SPAG16: variants seen among roughly 807,000 people sequenced by gnomAD.
The protein encoded by SPAG16 is sperm associated antigen 16.
A neutral mutation model predicts 80.4 loss-of-function variants in SPAG16; 86 were observed. That is an observed-to-expected ratio of 1.07 (90% CI 0.90 to 1.28). The LOEUF (loss-of-function observed/expected upper bound fraction) is 1.28, where lower values mean the gene tolerates loss of function less well. Ranked by LOEUF, SPAG16 falls within the 50% of genes most tolerant of loss-of-function variation. SPAG16 has a pLI of 0.00. For synonymous variants in SPAG16, 294 were observed against 265.9 expected (o/e 1.11, Z -1.03); for missense variants, 870 against 765.3 (o/e 1.14, Z -1.61).
chr2:214,231,622 C>T (rs536218268), intron 15 of SPAG16, among the ~76,000 whole-genome samples: 1 of 152,068 alleles, frequency 6.6e-6, no homozygotes, highest in Admixed American at 6.6e-5. Flanking sequence ...AGCCAAGTGG[C>T]ATTACTCCAG....
intron 10 of SPAG16, among the ~76,000 whole-genome samples, chr2:213,823,640 G>A (rs2073091415): frequency 1.3e-5 from 2 of 152,148 alleles, no homozygotes; most frequent in African/African-American, 4.8e-5. Context: ...GATTACAGGT[G>A]TGAGTCACCA....
intron 15 of SPAG16, among the ~76,000 whole-genome samples, chr2:214,276,283 A>G (rs1399225391): frequency 6.6e-6 from 1 of 152,166 alleles, no homozygotes; most frequent in Non-Finnish European, 1.5e-5. Flanking sequence ...TGGGGCATTT[A>G]GCCCATTTAC....
At chr2:213,734,979 T>G (rs1255644954) in intron 10 of SPAG16, among the ~76,000 whole-genome samples, 1 of 151,540 alleles carries the variant, frequency 6.6e-6, no homozygotes, top group Non-Finnish European at 1.5e-5. Flanking sequence ...TTTTTTTTCC[T>G]AATTACTCCC....
At chr2:213,386,931 G>A (rs2067459491) in intron 9 of SPAG16, among the ~76,000 whole-genome samples, 1 of 152,084 alleles carries the variant, frequency 6.6e-6, no homozygotes, top group African/African-American at 2.4e-5. Context: ...TAATTGGATG[G>A]TTTTTGCAAT....
chr2:213,386,549 G>A (rs41484647), intron 9 of SPAG16, among the ~76,000 whole-genome samples: 13,816 of 152,100 alleles, frequency 0.091, 1,786 homozygotes, highest in African/African-American at 0.29. Context: ...CTATAAGCTC[G>A]TCTAATCTTC....
At chr2:213,775,345 T>G (rs1221509091) in intron 10 of SPAG16, among the ~76,000 whole-genome samples, 1 of 152,226 alleles carries the variant, frequency 6.6e-6, no homozygotes, top group Non-Finnish European at 1.5e-5. Flanking sequence ...ATGTTTAATG[T>G]ATACAACTAA....
chr2:213,447,576 C>T (rs1013295222), intron 9 of SPAG16, among the ~76,000 whole-genome samples: 3 of 152,202 alleles, frequency 2.0e-5, no homozygotes, highest in Non-Finnish European at 4.4e-5. Flanking sequence ...ATCCCTAGGC[C>T]CCTCGGATTG....
chr2:213,901,642 G>A (rs1265418482), intron 11 of SPAG16, among the ~76,000 whole-genome samples: 1 of 152,068 alleles, frequency 6.6e-6, no homozygotes, highest in Non-Finnish European at 1.5e-5. Context: ...AGGAATGTAT[G>A]TATTTTTATA....
intron 7 of SPAG16, among the ~76,000 whole-genome samples, chr2:213,356,232 GC>G (rs1262944505): frequency 1.3e-5 from 2 of 152,142 alleles, no homozygotes; most frequent in Non-Finnish European, 2.9e-5. Context: ...TCTCTGCCAG[GC>G]TTTGGTATCA....
chr2:213,784,954 T>G lies in SPAG16; in HGVS notation c.1071-77531T>G, dbSNP rs562144527. ...TGGACTTGTGGAATGTGAAGATTAG[T>G]TCCTATTCATCCTAGTTCTATAAGG... On this transcript the variant is annotated intron_variant, in intron 10 of 15. Coordinates refer to ENST00000331683, the MANE Select transcript of SPAG16 (RefSeq NM_024532.5). Among the ~76,000 whole-genome samples, 146 of 152,294 alleles carry G rather than the reference T, an allele frequency of 9.6e-4. 3 individuals carry two copies. Among genetic ancestry groups the G allele is most frequent in the South Asian group, 1.0e-3 (5 of 4,834 alleles).
At position 214,082,362 on chromosome 2, in the gene SPAG16, T is replaced by A. The variant is rs115582826; in HGVS notation, c.1528-25834T>A. 6.0e-3 allele frequency among the ~76,000 whole-genome samples: 919 copies of A among 152,312 alleles called. 7 individuals carry two copies. The highest frequency in any genetic ancestry group is 0.021 in the African/African-American group (893 of 41,572). On this transcript the variant is annotated intron_variant, in intron 13 of 15. Transcript: ENST00000331683. ...GTGTCTGAAACCCAAAGACACAAGA[T>A]CTTTTACCTTCTCCTCCACTTCTTA...
chr2:213,461,554 TAAGA>T (rs1220806950), intron 9 of SPAG16, among the ~76,000 whole-genome samples: 2 of 152,126 alleles, frequency 1.3e-5, no homozygotes, highest in Non-Finnish European at 2.9e-5. Context: ...AAACTTATAA[TAAGA>T]AAGAAGTAAG....
At chr2:214,309,186 T>C (rs1695120956) in intron 15 of SPAG16, among the ~76,000 whole-genome samples, 1 of 152,226 alleles carries the variant, frequency 6.6e-6, no homozygotes, top group Non-Finnish European at 1.5e-5. Flanking sequence ...ATTCTGCTAT[T>C]AATACTTTTG....
intron 10 of SPAG16, among the ~76,000 whole-genome samples, chr2:213,748,236 T>C (rs1232694658): frequency 6.6e-6 from 1 of 152,174 alleles, no homozygotes; most frequent in Non-Finnish European, 1.5e-5. Context: ...TATGAAATAC[T>C]TTTAAAAGGA....
chr2:214,410,212 A>G lies in SPAG16; in HGVS notation c.1793A>G (p.Lys598Arg). Reference sequence around the variant, plus strand: ...GATCTTAAATCTGGGGAGATTCACAAATTGATGGGCCACGAAAACGAGGCA... The same window carrying G: ...GATCTTAAATCTGGGGAGATTCACAGATTGATGGGCCACGAAAACGAGGCA... ...LLDLKSGEIH[K>R]LMGHENEAHT... Residue 598 changes from lysine (K) to arginine (R), a missense_variant, in exon 16 of 16, where the codon AAA becomes AGA. By Grantham distance (26) the Lys-to-Arg change is conservative. Coordinates refer to ENST00000331683, the MANE Select transcript of SPAG16 (RefSeq NM_024532.5). 6.2e-7 allele frequency: 1 copy of G among 1,613,664 alleles called. No homozygotes were observed. Among genetic ancestry groups the G allele is most frequent in the Non-Finnish European group, 8.5e-7 (1 of 1,179,640 alleles).
chr2:214,250,850 G>A (rs994194477), intron 15 of SPAG16, among the ~76,000 whole-genome samples: 30 of 143,416 alleles, frequency 2.1e-4, no homozygotes, highest in African/African-American at 6.3e-4. Context: ...TTTGTTATTC[G>A]TTTCTCTAAA....
At chr2:213,713,559 G>C (rs1024692080) in intron 10 of SPAG16, among the ~76,000 whole-genome samples, 1 of 152,164 alleles carries the variant, frequency 6.6e-6, no homozygotes, top group African/African-American at 2.4e-5. Context: ...TTGGACATCA[G>C]CCACTTTAGG....
chr2:213,413,087 G>C (rs1366704360), intron 9 of SPAG16, among the ~76,000 whole-genome samples: 4 of 152,076 alleles, frequency 2.6e-5, no homozygotes, highest in African/African-American at 9.7e-5. Flanking sequence ...GTGTTTTATA[G>C]TTGGTACTAT....
intron 15 of SPAG16, among the ~76,000 whole-genome samples, chr2:214,183,686 G>T (rs1444034445): frequency 1.3e-5 from 2 of 152,020 alleles, no homozygotes; most frequent in East Asian, 3.9e-4. Flanking sequence ...TATCACTCCT[G>T]TCTCATTTTA....
Sources: allele counts gnomAD v4.1 joint callset (sites outside exome capture counted in the v4.1 genomes callset), GRCh38; gene constraint gnomAD v4.1.1; transcripts MANE v1.5; gene names NCBI Gene and HGNC (gene_info 2026-07-23, HGNC 2026-07-21).